ADARB2: variants seen among roughly 807,000 people sequenced by gnomAD.
ADARB2 encodes the protein inactive double-stranded RNA-specific editase B2.
In ADARB2, 25 loss-of-function variants were observed where a neutral mutation model predicts 62.2. The observed-to-expected ratio is 0.40, with a 90% CI of 0.29 to 0.56. The LOEUF is 0.56. ADARB2 is among the 20% of genes least tolerant of loss of function. ADARB2 has a pLI of 0.43. For missense variants in ADARB2, 1,071 were observed against 1,077.4 expected, an observed-to-expected ratio of 0.99 and a Z score of 0.08; for synonymous variants, 572 against 500.8, an observed-to-expected ratio of 1.14 and a Z score of -1.90.
chr10:1,489,142 C>A (rs1176095051), intron 1 of ADARB2, among the ~76,000 whole-genome samples: 1 of 152,238 alleles, frequency 6.6e-6, no homozygotes, highest in South Asian at 2.1e-4. Flanking sequence ...CATTTCTTGG[C>A]CAAAGTTACT....
At chr10:1,582,833 G>A (rs1833124362) in intron 1 of ADARB2, among the ~76,000 whole-genome samples, 1 of 152,180 alleles carries the variant, frequency 6.6e-6, no homozygotes, top group African/African-American at 2.4e-5. Context: ...CCTCCTCGTA[G>A]TGCCCTTCAG....
intron 1 of ADARB2, chr10:1,526,859 C>T: frequency 1.9e-6 from 1 of 513,972 alleles, no homozygotes; most frequent in South Asian, 1.4e-5. Flanking sequence ...CACAGGCAGC[C>T]ACTTCGCTGC....
intron 4 of ADARB2, among the ~76,000 whole-genome samples, chr10:1,249,662 A>G (rs978885907): frequency 5.3e-5 from 8 of 151,812 alleles, no homozygotes; most frequent in African/African-American, 1.9e-4. Context: ...ATCATGCTCT[A>G]TGGGGAAGCA....
chr10:1,545,951 C>A (rs1832513070), intron 1 of ADARB2, among the ~76,000 whole-genome samples: 1 of 152,102 alleles, frequency 6.6e-6, no homozygotes, highest in Admixed American at 6.5e-5. Context: ...GGTCTTAAAG[C>A]TTGAAAATTA....
intron 1 of ADARB2, among the ~76,000 whole-genome samples, chr10:1,671,179 A>C (rs1456055810): frequency 6.6e-6 from 1 of 152,034 alleles, no homozygotes; most frequent in Admixed American, 6.5e-5. Flanking sequence ...AGACGGGGAG[A>C]GGGTGCTGGG....
At chr10:1,525,577 T>G (rs188656848) in intron 1 of ADARB2, among the ~76,000 whole-genome samples, 154 of 152,252 alleles carry the variant, frequency 1.0e-3, no homozygotes, top group African/African-American at 3.6e-3. Flanking sequence ...CGTTTTCCTG[T>G]CGGCTCTGTG....
chr10:1,206,289 G>A (rs1246913368), intron 7 of ADARB2, among the ~76,000 whole-genome samples: 1 of 152,144 alleles, frequency 6.6e-6, no homozygotes. Flanking sequence ...ACCTGCGCGG[G>A]GGCCACGCTC....
chr10:1,724,964 T>C (rs1341579482), intron 1 of ADARB2, among the ~76,000 whole-genome samples: 4 of 152,214 alleles, frequency 2.6e-5, no homozygotes. Flanking sequence ...GCAATGCACA[T>C]GAAGCTGTTA....
intron 1 of ADARB2, among the ~76,000 whole-genome samples, chr10:1,712,116 T>C (rs1834954913): frequency 6.6e-6 from 1 of 152,202 alleles, no homozygotes; most frequent in Non-Finnish European, 1.5e-5. Flanking sequence ...AATACAACAG[T>C]TGATAATGTT....
Position 1,670,910 on chromosome 10 carries a change from C to A in ADARB2, c.100+66141G>T, listed in dbSNP as rs149403266. 6.5e-3 allele frequency among the ~76,000 whole-genome samples: 985 copies of A among 152,210 alleles called. 14 individuals carry two copies. Among genetic ancestry groups the A allele is most frequent in the African/African-American group, 0.022 (933 of 41,534 alleles). On this transcript the variant is annotated intron_variant, in intron 1 of 9. Coordinates refer to ENST00000381312, the MANE Select transcript of ADARB2 (RefSeq NM_018702.4). ...GGGGAACTCAGACGTCTGGAAGGGA[C>A]GGGGGCAGAACGTCAGCGCCACAGA...
At chr10:1,306,015 A>G (rs1022023229) in intron 3 of ADARB2, among the ~76,000 whole-genome samples, 5 of 152,246 alleles carry the variant, frequency 3.3e-5, no homozygotes, top group Admixed American at 2.0e-4. Flanking sequence ...GGGATGCCCT[A>G]TCTCACCACT....
intron 1 of ADARB2, among the ~76,000 whole-genome samples, chr10:1,684,988 A>T: frequency 6.8e-6 from 1 of 146,828 alleles, no homozygotes; most frequent in Admixed American, 6.7e-5. Flanking sequence ...AGCCAAGGAT[A>T]GTGTGAGTTC....
chr10:1,697,765 C>A (rs1834765599), intron 1 of ADARB2, among the ~76,000 whole-genome samples: 1 of 152,174 alleles, frequency 6.6e-6, no homozygotes, highest in African/African-American at 2.4e-5. Context: ...GTGACCTGAG[C>A]ACGGTGTATT....
At chr10:1,240,535 G>C (rs929625112) in intron 5 of ADARB2, 1 of 152,602 alleles carries the variant, frequency 6.6e-6, no homozygotes, top group Non-Finnish European at 1.5e-5. Flanking sequence ...CTCTGTGCCT[G>C]CACTCTGCCC....
At chr10:1,350,853 G>A (rs1393813096) in intron 3 of ADARB2, among the ~76,000 whole-genome samples, 1 of 152,188 alleles carries the variant, frequency 6.6e-6, no homozygotes, top group Admixed American at 6.5e-5. Context: ...CCTTCAAGGT[G>A]TACAATAATA....
chr10:1,298,105 T>C lies in ADARB2; in HGVS notation c.1078-27036A>G, dbSNP rs73594147. ...GCAAAAAATGGACCATTCTGTCATT[T>C]ATTCATTTCAGAAACACACACATTG... On this transcript the variant is annotated intron_variant, in intron 3 of 9. Transcript: ENST00000381312. Among the ~76,000 whole-genome samples the C allele has an allele frequency of 2.3e-3, 355 of 152,348 alleles. 2 individuals carry two copies. The highest frequency in any genetic ancestry group is 7.7e-3 in the African/African-American group (321 of 41,590).
At chr10:1,673,262 A>G (rs1834415159) in intron 1 of ADARB2, among the ~76,000 whole-genome samples, 1 of 152,006 alleles carries the variant, frequency 6.6e-6, no homozygotes, top group Admixed American at 6.6e-5. Context: ...TATATGTATA[A>G]TAGATCATAT....
Position 1,705,076 on chromosome 10 carries a change from G to T in ADARB2, c.100+31975C>A, listed in dbSNP as rs142516098. 2.4e-3 allele frequency among the ~76,000 whole-genome samples: 358 copies of T among 152,228 alleles called. 8 individuals carry two copies. Among genetic ancestry groups the T allele is most frequent in the East Asian group, 1.4e-3 (7 of 5,172 alleles). On this transcript the variant is annotated intron_variant, in intron 1 of 9. Coordinates refer to ENST00000381312, the MANE Select transcript of ADARB2 (RefSeq NM_018702.4). ...CCCATAATTTCATTAAAAAAATAAA[G>T]AAACAAATGTAGGTTGATTTTTAAA... is the stretch of plus-strand genomic sequence containing the variant.
At chr10:1,421,924 T>C (rs932346406) in intron 1 of ADARB2, among the ~76,000 whole-genome samples, 3 of 152,238 alleles carry the variant, frequency 2.0e-5, no homozygotes, top group African/African-American at 7.2e-5. Flanking sequence ...TTGCATGTGC[T>C]ATTTCCATCT....
Sources: gnomAD v4.1 joint callset for allele counts (sites outside exome capture counted in the v4.1 genomes callset) on GRCh38, gnomAD v4.1.1 for gene constraint, MANE v1.5 for transcripts, NCBI Gene and HGNC (gene_info 2026-07-23, HGNC 2026-07-21) for gene names.